The following TANGO6 variants were observed in gnomAD, a reference collection of about 807,000 sequenced individuals.
TANGO6 encodes transport and Golgi organization protein 6 homolog.
A neutral mutation model predicts 114.2 loss-of-function variants in TANGO6; 90 were observed. The observed-to-expected ratio is 0.79, with a 90% CI of 0.66 to 0.94. The LOEUF is 0.94. Among genes scored for constraint, TANGO6 ranks in the 40% least tolerant of loss-of-function variants. The pLI, the probability that TANGO6 is intolerant of heterozygous loss-of-function variation, is 0.00. For missense variants in TANGO6, 1,274 were observed against 1,315.3 expected (o/e 0.97, Z 0.49); for synonymous variants, 477 against 509.8 (o/e 0.94, Z 0.87).
At chr16:69,001,444 G>C (rs777876213) in intron 15 of TANGO6, among the ~76,000 whole-genome samples, 10 of 152,036 alleles carry the variant, frequency 6.6e-5, no homozygotes, top group Non-Finnish European at 1.5e-4. Context: ...TTCTAACAAA[G>C]TATTTAAGTT....
At chr16:68,966,835 G>C (rs1439331483) in intron 14 of TANGO6, among the ~76,000 whole-genome samples, 1 of 147,318 alleles carries the variant, frequency 6.8e-6, no homozygotes, top group East Asian at 2.0e-4. Flanking sequence ...GCAGTGGCAT[G>C]ATCTCAGCTC....
intron 14 of TANGO6, among the ~76,000 whole-genome samples, chr16:68,946,741 A>G (rs1042245458): frequency 2.0e-5 from 3 of 152,158 alleles, no homozygotes; most frequent in African/African-American, 2.4e-5. Context: ...GGGTCAAGTA[A>G]TCTGCCTGTA....
At chr16:68,905,574 C>T (rs1962839223) in intron 9 of TANGO6, among the ~76,000 whole-genome samples, 1 of 151,234 alleles carries the variant, frequency 6.6e-6, no homozygotes, top group Non-Finnish European at 1.5e-5. Flanking sequence ...AGTACACACA[C>T]AGGTGTATAT....
chr16:68,986,307 C>T lies in TANGO6; in HGVS notation c.2842+12139C>T, dbSNP rs1354579091. Among the ~76,000 whole-genome samples the T allele has an allele frequency of 2.0e-5, 3 of 152,076 alleles. No homozygotes were observed. The East Asian group carries it at 5.8e-4, about 29-fold the overall frequency. On this transcript the variant is annotated intron_variant, in intron 15 of 17. Coordinates refer to ENST00000261778, the MANE Select transcript of TANGO6 (RefSeq NM_024562.2). The stretch of plus-strand genomic sequence containing the variant: ...GAGGGGTGAGAATTAAGTCTCTGAT[C>T]TCTTCTGTCGTATGCCACGGTAAGT...
chr16:69,053,548 C>T (rs997532962), intron 17 of TANGO6, among the ~76,000 whole-genome samples: 1 of 152,182 alleles, frequency 6.6e-6, no homozygotes, highest in East Asian at 1.9e-4. Flanking sequence ...GGCATGTCTC[C>T]TATAAGCCTT....
intron 15 of TANGO6, among the ~76,000 whole-genome samples, chr16:68,989,249 A>C (rs538143515): frequency 6.6e-6 from 1 of 151,818 alleles, no homozygotes; most frequent in Non-Finnish European, 1.5e-5. Context: ...CACATATATT[A>C]GATTTTTTTG....
At chr16:69,083,387 C>T (rs1237394191) in intron 17 of TANGO6, 98 bp from the exon 18 acceptor site, 2 of 1,380,622 alleles carry the variant, frequency 1.4e-6, no homozygotes, top group South Asian at 3.0e-5. Flanking sequence ...CTGTGGATGT[C>T]CTCACAGATC....
intron 16 of TANGO6, among the ~76,000 whole-genome samples, chr16:69,023,818 T>C (rs965549731): frequency 6.6e-6 from 1 of 152,128 alleles, no homozygotes; most frequent in Non-Finnish European, 1.5e-5. Flanking sequence ...AATCAGTAAA[T>C]TATTGAAAAG....
chr16:69,015,464 T>TTTTTTTTATTTATTTATTTA lies in TANGO6; in HGVS notation c.2843-7361_2843-7360insTTTTATTTATTTATTTATTT, dbSNP rs1555528108. ...TGTAGTTTAACAGATGCTCATTTTA[T>TTTTTTTTATTTATTTATTTA]TTTATTTATTTATTTATTTATTTAT... On this transcript the variant is annotated intron_variant, in intron 15 of 17. Transcript: ENST00000261778. 5.6e-5 allele frequency among the ~76,000 whole-genome samples: 8 copies of TTTTTTTTATTTATTTATTTA among 143,944 alleles called. No homozygotes were observed. In the South Asian group the frequency reaches 9.1e-4, roughly 16 times the overall value. The allele number at this position is 143,944 out of a possible 152,430, so 94.4% of individuals were successfully genotyped here.
chr16:68,882,429 A>G (rs928775561), intron 7 of TANGO6, among the ~76,000 whole-genome samples: 39 of 152,034 alleles, frequency 2.6e-4, no homozygotes, highest in South Asian at 1.0e-3. Flanking sequence ...CCTGGAAGGC[A>G]GAGCTTGCAG....
intron 14 of TANGO6, among the ~76,000 whole-genome samples, chr16:68,953,050 T>TTTATTATTATTA (rs71383944): frequency 0.021 from 2,982 of 139,166 alleles, 60 homozygotes; most frequent in East Asian, 0.045. Context: ...ACAGGTATTT[T>TTTATTATTATTA]TTATTATTAT....
At chr16:68,949,697 A>G (rs143732983) in intron 14 of TANGO6, among the ~76,000 whole-genome samples, 78 of 152,276 alleles carry the variant, frequency 5.1e-4, no homozygotes, top group African/African-American at 1.8e-3. Context: ...TAGAAATGTA[A>G]AATGGTACAG....
At chr16:69,080,222 T>C (rs1047036176) in intron 17 of TANGO6, among the ~76,000 whole-genome samples, 23 of 133,170 alleles carry the variant, frequency 1.7e-4, no homozygotes, top group African/African-American at 8.6e-4. Flanking sequence ...CTACAAAACA[T>C]GTTAAGTGGG....
At chr16:68,960,662 G>A (rs1475846462) in intron 14 of TANGO6, among the ~76,000 whole-genome samples, 7 of 151,962 alleles carry the variant, frequency 4.6e-5, no homozygotes, top group Non-Finnish European at 8.8e-5. Flanking sequence ...CACCATGCCT[G>A]GCTAATTTTT....
intron 14 of TANGO6, among the ~76,000 whole-genome samples, chr16:68,936,786 G>A (rs1963303194): frequency 1.3e-5 from 2 of 151,522 alleles, no homozygotes; most frequent in African/African-American, 4.9e-5. Context: ...AAAACTACCA[G>A]CCTTCTTTTA....
chr16:68,944,777 G>A (rs1409664563), intron 14 of TANGO6, among the ~76,000 whole-genome samples: 1 of 152,136 alleles, frequency 6.6e-6, no homozygotes, highest in Non-Finnish European at 1.5e-5. Flanking sequence ...AAAATATAAG[G>A]ACAAATCTCT....
At chr16:68,894,977 C>T (rs773248779) in intron 7 of TANGO6, among the ~76,000 whole-genome samples, 15 of 152,146 alleles carry the variant, frequency 9.9e-5, no homozygotes, top group Non-Finnish European at 2.1e-4. Flanking sequence ...TGGGTTTATC[C>T]TGGTTCTGCC....
chr16:68,947,036 C>T (rs992441212), intron 14 of TANGO6, among the ~76,000 whole-genome samples: 2 of 152,162 alleles, frequency 1.3e-5, no homozygotes, highest in African/African-American at 4.8e-5. Flanking sequence ...CAAGATTACA[C>T]AGCAAATAAT....
intron 17 of TANGO6, among the ~76,000 whole-genome samples, chr16:69,064,223 C>T (rs536488384): frequency 6.6e-6 from 1 of 152,302 alleles, no homozygotes; most frequent in Admixed American, 6.5e-5. Context: ...AATACAAACC[C>T]TTACCAGAGC....
Sources: gnomAD v4.1 joint callset for allele counts (sites outside exome capture counted in the v4.1 genomes callset) on GRCh38, gnomAD v4.1.1 for gene constraint, MANE v1.5 for transcripts, NCBI Gene and HGNC (gene_info 2026-07-23, HGNC 2026-07-21) for gene names.